ANKRD24: variants seen among roughly 807,000 people sequenced by gnomAD.
ANKRD24 encodes the protein ankyrin repeat domain 24.
ANKRD24 carries 109 observed loss-of-function variants against 127.8 expected under a neutral mutation model. The observed-to-expected ratio is 0.85, with a 90% CI of 0.73 to 1.00. ANKRD24 has a LOEUF of 1.00. ANKRD24 is among the 50% of genes least tolerant of loss of function. ANKRD24 has a pLI of 0.00. For missense variants in ANKRD24, 1,648 were observed against 1,570.2 expected (o/e 1.05, Z -0.84); for synonymous variants, 743 against 671.1 (o/e 1.11, Z -1.66).
rs1266238104 is a variant in ANKRD24, at chr19:4,195,304, T to C, written c.37-4379T>C. Among the ~76,000 whole-genome samples the C allele has an allele frequency of 6.6e-6, 1 of 151,586 alleles. No homozygotes were observed. The highest frequency in any genetic ancestry group is 1.5e-5 in the Non-Finnish European group (1 of 67,896). On this transcript the variant is annotated intron_variant, in intron 2 of 21. Transcript: ENST00000318934. The surrounding 1 kb of genome is among the most constrained non-coding windows in gnomAD (Gnocchi z 4.2). ...GGTCAGGCTGGTCTCGAACTCCCCA[T>C]CTCAGGTGATCTGCCTGCCTCAGCC...
chr19:4,202,217 AGCTACTCCCTGGAT>A (rs1969132935), intron 6 of ANKRD24, 127 bp downstream of exon 6: 1 of 840,090 alleles, frequency 1.2e-6, no homozygotes, highest in African/African-American at 1.7e-5. Flanking sequence ...CCAGAACCCT[AGCTACTCCCTGGAT>A]AACCAGGTAC....
chr19:4,193,629 G>A (rs566576464), intron 2 of ANKRD24, among the ~76,000 whole-genome samples: 1 of 151,968 alleles, frequency 6.6e-6, no homozygotes, highest in African/African-American at 2.4e-5. Flanking sequence ...CCTGAGATCA[G>A]GAGTTCAAGA....
In ANKRD24 at chr19:4,200,106, G is replaced by C. The variant is rs1227091885; in HGVS notation, c.278G>C (p.Gly93Ala). The stretch of plus-strand genomic sequence containing the variant: ...AGGTTCCACCTGGCGGCCATGCGGG[G>C]TGCGGCCAGCTGTCTGGAGGTGATG... Reference protein sequence around the residue: ...KSAFHLAAMRGAASCLEVMIA... With the variant: ...KSAFHLAAMRAAASCLEVMIA... Residue 93 changes from glycine to alanine, a missense_variant, in exon 5 of 22, where the codon GGT becomes GCT. Coordinates refer to ENST00000318934, the MANE Select transcript of ANKRD24 (RefSeq NM_001393985.1). The C allele has an allele frequency of 1.2e-6, 2 of 1,602,466 alleles. No individual in the cohort carries two copies. The highest frequency in any genetic ancestry group is 1.7e-6 in the Non-Finnish European group (2 of 1,174,740).
chr19:4,211,198 T>C (rs62129276), intron 13 of ANKRD24, among the ~76,000 whole-genome samples: 54,346 of 152,000 alleles, frequency 0.36, 9,884 homozygotes, highest in South Asian at 0.44. Flanking sequence ...TGTCCACCCA[T>C]TTGACTGTGA....
intron 1 of ANKRD24, among the ~76,000 whole-genome samples, chr19:4,184,502 C>G (rs955006846): frequency 6.6e-6 from 1 of 152,246 alleles, no homozygotes; most frequent in African/African-American, 2.4e-5. Context: ...CCCTGCCTAG[C>G]TTCCTCCAAG....
intron 15 of ANKRD24, 53 bp downstream of exon 15, chr19:4,212,751 C>A: frequency 6.7e-7 from 1 of 1,486,694 alleles, no homozygotes; most frequent in South Asian, 1.2e-5. Flanking sequence ...GGGAACTTCT[C>A]TCCTACAGCA....
chr19:4,200,245 C>T, intron 5 of ANKRD24, 74 bp downstream of exon 5: 2 of 1,441,778 alleles, frequency 1.4e-6, no homozygotes, highest in South Asian at 1.3e-5. Context: ...CAGCCAGACC[C>T]TGCTCCCAGG....
chr19:4,205,692 A>G (rs1397639347), intron 7 of ANKRD24, among the ~76,000 whole-genome samples: 2 of 151,892 alleles, frequency 1.3e-5, no homozygotes, highest in Non-Finnish European at 2.9e-5. Flanking sequence ...TACTAAAAAT[A>G]TAAAAATTAG....
At chr19:4,206,877 C>A (rs1969414936) in intron 7 of ANKRD24, among the ~76,000 whole-genome samples, 1 of 152,140 alleles carries the variant, frequency 6.6e-6, no homozygotes, top group African/African-American at 2.4e-5. Context: ...TCACCCTACC[C>A]CTACTCTTCC....
intron 1 of ANKRD24, among the ~76,000 whole-genome samples, chr19:4,185,641 C>A (rs151243646): frequency 1.3e-5 from 2 of 152,228 alleles, no homozygotes; most frequent in African/African-American, 4.8e-5. Context: ...CCACACTCAA[C>A]GTCACACACA....
chr19:4,201,906 C>T (rs1969114711), intron 5 of ANKRD24, 120 bp from the exon 6 acceptor site: 2 of 828,906 alleles, frequency 2.4e-6, no homozygotes, highest in Non-Finnish European at 4.1e-6. Flanking sequence ...GAGAGAAATA[C>T]TAGGGTTTAC....
intron 16 of ANKRD24, 45 bp from the exon 17 acceptor site, chr19:4,216,239 C>G (rs1970058699): frequency 6.6e-7 from 1 of 1,526,284 alleles, no homozygotes; most frequent in Non-Finnish European, 8.9e-7. Context: ...CTCCTGTCCC[C>G]CTGTGGCCCA....
At chr19:4,206,295 G>T (rs1969382665) in intron 7 of ANKRD24, among the ~76,000 whole-genome samples, 1 of 151,558 alleles carries the variant, frequency 6.6e-6, no homozygotes, top group African/African-American at 2.4e-5. Flanking sequence ...AGGAGTTTGA[G>T]ACCAGCCTGG....
In ANKRD24 at chr19:4,209,848, A is replaced by G. The variant is rs904954939; in HGVS notation, c.871-210A>G. Among the ~76,000 whole-genome samples the G allele has an allele frequency of 5.3e-5, 8 of 152,208 alleles. No homozygotes were observed. In the East Asian group the frequency reaches 1.3e-3, roughly 26 times the overall value. Reference sequence around the variant, plus strand: ...AAAGAACTGAGAGACAGAGAGGAGCAGAGAGTAAAGAGTAAGATCTGGAAC... The same window carrying G: ...AAAGAACTGAGAGACAGAGAGGAGCGGAGAGTAAAGAGTAAGATCTGGAAC... On this transcript the variant is annotated intron_variant, in intron 11 of 21. Transcript: ENST00000318934.
At position 4,220,438 on chromosome 19, in the gene ANKRD24, C is replaced by CT. The variant is rs574937186; in HGVS notation, c.3171+683dup. Among the ~76,000 whole-genome samples, 56 of 152,256 alleles carry CT rather than the reference C, an allele frequency of 3.7e-4. 2 individuals carry two copies. The South Asian group carries it at 6.6e-3, about 18-fold the overall frequency. On this transcript the variant is annotated intron_variant, in intron 19 of 21. Transcript: ENST00000318934. Reference sequence around the variant, plus strand: ...GCCTAAGGTCACACAGCCATGCAGTCTTTCAGCTGGGTTTGTACCCACGTT... The same window carrying CT: ...GCCTAAGGTCACACAGCCATGCAGTCTTTTCAGCTGGGTTTGTACCCACGTT...
At chr19:4,214,937 C>T (rs952627404) in intron 15 of ANKRD24, among the ~76,000 whole-genome samples, 4 of 152,152 alleles carry the variant, frequency 2.6e-5, no homozygotes, top group South Asian at 2.1e-4. Flanking sequence ...TATACCCACA[C>T]GTATGGTCAC....
intron 8 of ANKRD24, 37 bp from the exon 9 acceptor site, chr19:4,207,464 T>C: frequency 6.2e-7 from 1 of 1,603,954 alleles, no homozygotes; most frequent in Admixed American, 1.7e-5. Context: ...CGGGGGTCAG[T>C]TTCTCATGCC....
intron 5 of ANKRD24, among the ~76,000 whole-genome samples, chr19:4,201,113 A>T (rs1056153894): frequency 6.6e-6 from 1 of 152,050 alleles, no homozygotes; most frequent in African/African-American, 2.4e-5. Flanking sequence ...GAGTAGCTTG[A>T]GCTCTTGGAG....
rs1968692427 is a variant in ANKRD24, at chr19:4,195,753, G to C, written c.37-3930G>C. On this transcript the variant is annotated intron_variant, in intron 2 of 21. Coordinates refer to ENST00000318934, the MANE Select transcript of ANKRD24 (RefSeq NM_001393985.1). The surrounding 1 kb of genome is among the most constrained non-coding windows in gnomAD (Gnocchi z 4.2). ...CTACTAAAATACAAAAATTCGCTAG[G>C]CGTGGTGGCGTGTGCCTGTAATCCC... Among the ~76,000 whole-genome samples, 1 of 152,146 alleles carries C rather than the reference G, an allele frequency of 6.6e-6. No individual in the cohort carries two copies.
Sources: gnomAD v4.1 joint callset for allele counts (sites outside exome capture counted in the v4.1 genomes callset) on GRCh38, gnomAD v4.1.1 for gene constraint, Gnocchi (gnomAD v3.1) non-coding constraint, MANE v1.5 for transcripts, NCBI Gene and HGNC (gene_info 2026-07-23, HGNC 2026-07-21) for gene names.